Variants in CHD9 observed in about 807,000 individuals in gnomAD.
CHD9 encodes ATP-dependent chromatin remodeler CHD9.
A neutral mutation model predicts 316.1 loss-of-function variants in CHD9; 77 were observed. That is an observed-to-expected ratio of 0.24 (90% CI 0.20 to 0.29). The LOEUF (loss-of-function observed/expected upper bound fraction) is 0.29. CHD9 is among the 10% of genes least tolerant of loss of function. The pLI is 1.00. For synonymous variants in CHD9, 1,129 were observed against 1,158.3 expected (o/e 0.97, Z 0.51); for missense variants, 2,763 against 3,438.1 (o/e 0.80, Z 4.91).
At chr16:53,301,719 G>A (rs1034614886) in intron 30 of CHD9, among the ~76,000 whole-genome samples, 1 of 150,660 alleles carries the variant, frequency 6.6e-6, no homozygotes, top group East Asian at 1.9e-4. Context: ...AAAAATGTAC[G>A]AGGAGTTTCC....
rs1186787900 is a variant in CHD9 at position 53,327,461 on chromosome 16, TTTAA to T, written c.*2570_*2573del. On this transcript the variant is annotated 3_prime_UTR_variant, in exon 39 of 39. Coordinates refer to ENST00000447540, the MANE Select transcript of CHD9 (RefSeq NM_001308319.2). ...TGATGTTCTATAGAGCAAATGGAAG[TTTAA>T]TTATTTTTTATTAAACATATTCTTT... is the stretch of plus-strand genomic sequence containing the variant. The T allele has an allele frequency of 6.5e-6, 1 of 152,712 alleles. No homozygotes were observed. Among genetic ancestry groups the T allele is most frequent in the South Asian group, 2.1e-4 (1 of 4,828 alleles). 9.5% of individuals were successfully genotyped at this position (152,712 alleles called of 1,614,324 possible).
chr16:53,206,069 C>T (rs981990318), intron 2 of CHD9, among the ~76,000 whole-genome samples: 1 of 152,136 alleles, frequency 6.6e-6, no homozygotes, highest in Non-Finnish European at 1.5e-5. Flanking sequence ...TCTCCTGCCT[C>T]AGCCTCCTAA....
chr16:53,318,306 G>A lies in CHD9; in HGVS notation c.7679G>A (p.Arg2560His), dbSNP rs1013276874. The change falls in exon 37 of 39, where the codon CGT becomes CAT. Residue 2560 changes from arginine (R) to histidine (H), a missense_variant. Physicochemically the swap from Arg to His is conservative, Grantham distance 29 (BLOSUM62 0). Coordinates refer to ENST00000447540, the MANE Select transcript of CHD9 (RefSeq NM_001308319.2). ...GTGAATAGTCTCACTGGAGAAGAACGTGTTCAACTGATTAACAGAAGAAAT... is the reference window on the plus strand; with the variant it reads ...GTGAATAGTCTCACTGGAGAAGAACATGTTCAACTGATTAACAGAAGAAAT... Reference protein sequence around the residue: ...LDVNSLTGEERVQLINRRNAR... With the variant: ...LDVNSLTGEEHVQLINRRNAR... 2 of 1,607,754 alleles carry A rather than the reference G, an allele frequency of 1.2e-6. No homozygotes were observed. Among genetic ancestry groups the A allele is most frequent in the Non-Finnish European group, 1.7e-6 (2 of 1,177,902 alleles).
intron 1 of CHD9, among the ~76,000 whole-genome samples, chr16:53,113,267 A>T (rs577358939): frequency 1.1e-4 from 16 of 152,134 alleles, no homozygotes; most frequent in African/African-American, 3.9e-4. Context: ...AAAAATTGCT[A>T]ATCACTCATT....
intron 2 of CHD9, among the ~76,000 whole-genome samples, chr16:53,165,599 C>T (rs896714596): frequency 6.6e-6 from 1 of 152,066 alleles, no homozygotes; most frequent in African/African-American, 2.4e-5. Context: ...ATTACCCTAA[C>T]TTAATGTATT....
chr16:53,104,861 T>A (rs2037191695), intron 1 of CHD9, among the ~76,000 whole-genome samples: 1 of 151,524 alleles, frequency 6.6e-6, no homozygotes, highest in African/African-American at 2.4e-5. Context: ...TATATTCTCC[T>A]AGTTGAAGGG....
At chr16:53,228,882 A>G in intron 7 of CHD9, 101 bp from the exon 8 acceptor site, 1 of 548,296 alleles carries the variant, frequency 1.8e-6, no homozygotes, top group Non-Finnish European at 3.2e-6. Context: ...ACCTATTTGA[A>G]AAGTTGAAGA....
At chr16:53,227,313 A>C (rs2047741765) in intron 5 of CHD9, 83 bp from the exon 6 acceptor site, 1 of 783,256 alleles carries the variant, frequency 1.3e-6, no homozygotes, top group Non-Finnish European at 2.1e-6. Flanking sequence ...GTTGAATTGT[A>C]GTATGTTCAT....
chr16:53,294,129 C>T (rs1236327376), intron 29 of CHD9, among the ~76,000 whole-genome samples: 3 of 152,128 alleles, frequency 2.0e-5, no homozygotes, highest in South Asian at 2.1e-4. Flanking sequence ...AAATCGCAAG[C>T]GACCTTATTA....
intron 2 of CHD9, 102 bp downstream of exon 2, chr16:53,157,643 G>A: frequency 1.8e-6 from 2 of 1,126,148 alleles, no homozygotes; most frequent in Non-Finnish European, 2.5e-6. Context: ...TCTCAAACTT[G>A]GTAATTCCAT....
chr16:53,251,855 G>GT lies in CHD9; in HGVS notation c.3861+1797dup, dbSNP rs1281071190. Among the ~76,000 whole-genome samples the GT allele has an allele frequency of 8.6e-5, 13 of 151,752 alleles. No homozygotes were observed. In the South Asian group the frequency reaches 2.3e-3, roughly 27 times the overall value. Reference sequence around the variant, plus strand: ...TATCCAGAGTTATTTACCTTGGGTGGTTTTTTTTCCCCCAAAAAATGACCC... The same window carrying GT: ...TATCCAGAGTTATTTACCTTGGGTGGTTTTTTTTTCCCCCAAAAAATGACCC... On this transcript the variant is annotated intron_variant, in intron 17 of 38. Transcript: ENST00000447540.
chr16:53,073,150 C>T (rs780670824), intron 1 of CHD9, among the ~76,000 whole-genome samples: 11 of 152,336 alleles, frequency 7.2e-5, no homozygotes, highest in East Asian at 3.9e-4. Flanking sequence ...TTCGCCTCCC[C>T]GTAGCCCTGG....
chr16:53,115,229 G>A (rs1017205657), intron 1 of CHD9, among the ~76,000 whole-genome samples: 1 of 152,150 alleles, frequency 6.6e-6, no homozygotes, highest in Non-Finnish European at 1.5e-5. Flanking sequence ...CAACCTAGAT[G>A]ACCTAAGAAG....
rs377623251 is a variant in CHD9 at position 53,307,722 on chromosome 16, A to C, written c.6822A>C (p.Thr2274=). 38 of 1,611,778 alleles carry C rather than the reference A, an allele frequency of 2.4e-5. No individual in the cohort carries two copies. The highest frequency in any genetic ancestry group is 3.1e-5 in the Non-Finnish European group (37 of 1,178,896). ...MINRLDSICQ[T]VLKGKWPSAR... The stretch of plus-strand genomic sequence containing the variant: ...ATAGGTTGGACAGTATTTGTCAAAC[A>C]GTTCTGAAAGGAAAGTGGCCTTCAG... Residue 2274 remains threonine, a synonymous_variant, in exon 33 of 39, where the codon ACA becomes ACC. Coordinates refer to ENST00000447540, the MANE Select transcript of CHD9 (RefSeq NM_001308319.2).
intron 1 of CHD9, among the ~76,000 whole-genome samples, chr16:53,103,882 G>A (rs146264074): frequency 2.7e-4 from 41 of 152,240 alleles, no homozygotes; most frequent in African/African-American, 8.4e-4. Context: ...GCAGCTACTC[G>A]GGCTTAAAAC....
chr16:53,215,107 G>A (rs565747398), intron 3 of CHD9, among the ~76,000 whole-genome samples: 56 of 152,164 alleles, frequency 3.7e-4, no homozygotes, highest in African/African-American at 1.3e-3. Flanking sequence ...TAGTAGAGAT[G>A]GGGTTTTACC....
intron 1 of CHD9, among the ~76,000 whole-genome samples, chr16:53,100,244 G>A (rs1004758615): frequency 1.3e-5 from 2 of 152,158 alleles, no homozygotes; most frequent in African/African-American, 4.8e-5. Context: ...TCCACAAAAT[G>A]GCCCCTACTT....
intron 20 of CHD9, among the ~76,000 whole-genome samples, chr16:53,265,976 G>T (rs1225652929): frequency 7.2e-5 from 10 of 139,576 alleles, no homozygotes; most frequent in South Asian, 2.3e-4. Context: ...TTAGTTTTTT[G>T]TTTTTTTTTT....
intron 1 of CHD9, among the ~76,000 whole-genome samples, chr16:53,097,871 G>A (rs34851942): frequency 6.6e-6 from 1 of 152,234 alleles, no homozygotes; most frequent in Non-Finnish European, 1.5e-5. Context: ...TGTAATCCCA[G>A]CACTTTGGGA....
Sources: allele counts gnomAD v4.1 joint callset (sites outside exome capture counted in the v4.1 genomes callset), GRCh38; gene constraint gnomAD v4.1.1; transcripts MANE v1.5; gene names NCBI Gene and HGNC (gene_info 2026-07-23, HGNC 2026-07-21).